ATOSA: variants seen among roughly 807,000 people sequenced by gnomAD.
ATOSA encodes the protein atos homolog protein A.
At chr15:52,633,603 T>C in the ATOSA span, among the ~76,000 whole-genome samples, 2 of 151,100 alleles carry the variant, frequency 1.3e-5, no homozygotes, top group East Asian at 1.9e-4. Flanking sequence ...GCCAGAGAAA[T>C]GGAGAGCAGT....
At chr15:52,604,595 T>G in the ATOSA span, among the ~76,000 whole-genome samples, 18 of 152,146 alleles carry the variant, frequency 1.2e-4, no homozygotes, top group African/African-American at 4.1e-4. Context: ...AACACTAAGG[T>G]AGACATTATC....
chr15:52,625,001 ACTC>A, the ATOSA span, among the ~76,000 whole-genome samples: 1 of 151,742 alleles, frequency 6.6e-6, no homozygotes, highest in Non-Finnish European at 1.5e-5. Flanking sequence ...CTGGTCTCAA[ACTC>A]CTAACTTCAA....
the ATOSA span, among the ~76,000 whole-genome samples, chr15:52,615,010 T>C: frequency 2.6e-5 from 4 of 152,168 alleles, no homozygotes; most frequent in Non-Finnish European, 5.9e-5. Context: ...CAACTGCATG[T>C]TTCTCTTTCT....
At chr15:52,615,142 C>T in the ATOSA span, among the ~76,000 whole-genome samples, 1 of 152,122 alleles carries the variant, frequency 6.6e-6, no homozygotes, top group East Asian at 1.9e-4. Context: ...GGAAGAAATG[C>T]TATTATCCAG....
chr15:52,664,519 G>C, the ATOSA span, among the ~76,000 whole-genome samples: 1 of 152,190 alleles, frequency 6.6e-6, no homozygotes, highest in African/African-American at 2.4e-5. Context: ...GACATGGAGA[G>C]TTTAACTTTA....
chr15:52,613,615 T>G, the ATOSA span: 6 of 1,477,074 alleles, frequency 4.1e-6, no homozygotes, highest in Non-Finnish European at 5.5e-6. Context: ...ATAAAGGTGA[T>G]GATGAACATA....
the ATOSA span, among the ~76,000 whole-genome samples, chr15:52,659,481 A>G: frequency 1.3e-5 from 2 of 152,206 alleles, no homozygotes; most frequent in Non-Finnish European, 2.9e-5. Context: ...GGTGTTTGGT[A>G]GAAACATTTT....
chr15:52,610,483 T>C, the ATOSA span: 1 of 1,311,422 alleles, frequency 7.6e-7, no homozygotes, highest in South Asian at 1.6e-5. Flanking sequence ...CACTTATTTT[T>C]GTTTGCGTTA....
At chr15:52,682,566 C>T in the ATOSA span, among the ~76,000 whole-genome samples, 1 of 152,046 alleles carries the variant, frequency 6.6e-6, no homozygotes, top group Admixed American at 6.5e-5. Flanking sequence ...TAAGATATCT[C>T]TAGTATCTTA....
the ATOSA span, among the ~76,000 whole-genome samples, chr15:52,603,342 G>A: frequency 1.3e-5 from 2 of 152,114 alleles, no homozygotes; most frequent in Non-Finnish European, 2.9e-5. Flanking sequence ...TGCTGGCAAC[G>A]ATGGAACAAA....
the ATOSA span, chr15:52,658,795 T>C: frequency 2.0e-5 from 5 of 245,656 alleles, no homozygotes; most frequent in South Asian, 2.4e-4. Flanking sequence ...TGAGACCTCG[T>C]TTCTACAAAA....
chr15:52,600,033 C>A, the ATOSA span: 1 of 517,658 alleles, frequency 1.9e-6, no homozygotes, highest in East Asian at 3.2e-5. Flanking sequence ...TTATTTCTTT[C>A]CTTTTCACAA....
At chr15:52,680,382 G>T in the ATOSA span, among the ~76,000 whole-genome samples, 1 of 151,892 alleles carries the variant, frequency 6.6e-6, no homozygotes, top group Non-Finnish European at 1.5e-5. Context: ...TTTTTTTTTA[G>T]ATATAATTTT....
At chr15:52,599,855 C>T in the ATOSA span, among the ~76,000 whole-genome samples, 3 of 152,188 alleles carry the variant, frequency 2.0e-5, no homozygotes, top group Admixed American at 6.5e-5. Context: ...GTGGTCAAAT[C>T]TATGCTCCCG....
the ATOSA span, among the ~76,000 whole-genome samples, chr15:52,633,348 A>G: frequency 2.6e-5 from 4 of 152,240 alleles, no homozygotes; most frequent in South Asian, 8.3e-4. Flanking sequence ...CTCAAAATAT[A>G]TAAAAGAACT....
chr15:52,609,025 T>A, the ATOSA span: 1 of 1,613,396 alleles, frequency 6.2e-7, no homozygotes, highest in South Asian at 1.1e-5. Flanking sequence ...CATTTCTTGC[T>A]CCTTGAATCT....
the ATOSA span, among the ~76,000 whole-genome samples, chr15:52,660,038 T>C: frequency 1.3e-5 from 2 of 152,292 alleles, no homozygotes; most frequent in South Asian, 4.1e-4. Context: ...GTTAGAGATA[T>C]AAAACAGTTA....
the ATOSA span, among the ~76,000 whole-genome samples, chr15:52,698,568 T>C: frequency 1.3e-5 from 2 of 152,198 alleles, no homozygotes; most frequent in African/African-American, 4.8e-5. Flanking sequence ...CTCCAACAAG[T>C]TGGAGAAATC....
the ATOSA span, among the ~76,000 whole-genome samples, chr15:52,643,832 G>A: frequency 6.6e-6 from 1 of 151,736 alleles, no homozygotes; most frequent in Non-Finnish European, 1.5e-5. Context: ...AGAATCACTT[G>A]AACCCGGGAG....
Sources: gnomAD v4.1 joint callset for allele counts (sites outside exome capture counted in the v4.1 genomes callset) on GRCh38, gnomAD v4.1.1 for gene constraint, MANE v1.5 for transcripts, NCBI Gene and HGNC (gene_info 2026-07-23, HGNC 2026-07-21) for gene names.